The following COTL1 variants were observed in gnomAD, a reference collection of about 807,000 sequenced individuals.
COTL1 encodes coactosin-like protein.
A neutral mutation model predicts 16.5 loss-of-function variants in COTL1; 15 were observed. The ratio of observed to expected loss-of-function variants is 0.91; its 90% CI spans 0.61 to 1.40. The LOEUF is 1.40. COTL1 is among the 40% of genes most tolerant of loss of function. COTL1 has a pLI of 0.00. For synonymous variants in COTL1, 112 were observed against 85.3 expected, an observed-to-expected ratio of 1.31 and a Z score of -1.73; for missense variants, 220 against 201.5, an observed-to-expected ratio of 1.09 and a Z score of -0.56.
intron 3 of COTL1, among the ~76,000 whole-genome samples, chr16:84,584,212 G>A (rs761107586): frequency 7.9e-5 from 12 of 152,244 alleles, no homozygotes; most frequent in Non-Finnish European, 1.5e-4. Context: ...CGCATTCCCC[G>A]GACTGGAGTC....
At chr16:84,586,704 C>G (rs1904740678) in intron 3 of COTL1, among the ~76,000 whole-genome samples, 1 of 152,158 alleles carries the variant, frequency 6.6e-6, no homozygotes, top group Non-Finnish European at 1.5e-5. Flanking sequence ...CTGCCTCAGC[C>G]TCCCGAGTAG....
At chr16:84,612,508 C>A (rs1905354157) in intron 2 of COTL1, among the ~76,000 whole-genome samples, 1 of 152,132 alleles carries the variant, frequency 6.6e-6, no homozygotes, top group South Asian at 2.1e-4. Context: ...TGAGGCCGGG[C>A]GCGGTGGCTC....
chr16:84,565,884 G>C lies in COTL1; in HGVS notation c.*961C>G, dbSNP rs549891951. ...TTGCTCAGCTCACAGCTAGCGCGGCGGGCAGAGCAACCCTTCGGCCCAAGC... is the reference window on the plus strand; with the variant it reads ...TTGCTCAGCTCACAGCTAGCGCGGCCGGCAGAGCAACCCTTCGGCCCAAGC... On this transcript the variant is annotated 3_prime_UTR_variant, in exon 4 of 4. Transcript: ENST00000262428. 6.6e-6 allele frequency: 1 copy of C among 152,284 alleles called. No individual in the cohort carries two copies. Among genetic ancestry groups the C allele is most frequent in the Non-Finnish European group, 1.5e-5 (1 of 68,068 alleles). 9.4% of individuals were successfully genotyped at this position (152,284 alleles called of 1,614,324 possible).
chr16:84,615,716 G>T (rs532210582), intron 2 of COTL1, among the ~76,000 whole-genome samples: 5 of 152,340 alleles, frequency 3.3e-5, no homozygotes, highest in African/African-American at 4.8e-5. Context: ...GAGGCGGAGG[G>T]ACGGAGGCCT....
At chr16:84,598,770 C>T (rs1251103021) in intron 2 of COTL1, among the ~76,000 whole-genome samples, 1 of 134,562 alleles carries the variant, frequency 7.4e-6, no homozygotes, top group South Asian at 2.4e-4. Flanking sequence ...GGAGACCAAG[C>T]AGGAGACCAA....
chr16:84,595,920 T>C (rs1227057213), intron 2 of COTL1: 1 of 151,830 alleles, frequency 6.6e-6, no homozygotes, highest in Non-Finnish European at 1.5e-5. Context: ...GTGTGTGTTA[T>C]ATATATACAT....
chr16:84,584,277 C>G (rs900819712), intron 3 of COTL1, among the ~76,000 whole-genome samples: 2 of 152,260 alleles, frequency 1.3e-5, no homozygotes, highest in Non-Finnish European at 2.9e-5. Context: ...TGCCCCGTGG[C>G]CTTGCTGGCA....
chr16:84,597,068 G>T (rs1165396174), intron 2 of COTL1, among the ~76,000 whole-genome samples: 1 of 152,232 alleles, frequency 6.6e-6, no homozygotes, highest in African/African-American at 2.4e-5. Context: ...AGATGAGGGT[G>T]CTTCATGCTC....
chr16:84,609,629 GGGTTCCCACCCAAATCTC>G (rs1437468247), intron 2 of COTL1, among the ~76,000 whole-genome samples: 1 of 152,184 alleles, frequency 6.6e-6, no homozygotes, highest in East Asian at 1.9e-4. Flanking sequence ...GTTTGGCTCT[GGGTTCCCACCCAAATCTC>G]ACCTTGAATT....
intron 3 of COTL1, among the ~76,000 whole-genome samples, chr16:84,587,000 T>G (rs1904749168): frequency 6.6e-6 from 1 of 152,108 alleles, no homozygotes; most frequent in Non-Finnish European, 1.5e-5. Flanking sequence ...CTCCCTTTCC[T>G]CCCGGCGACG....
chr16:84,600,312 C>CTT (rs11305996), intron 2 of COTL1, among the ~76,000 whole-genome samples: 3,122 of 125,836 alleles, frequency 0.025, 176 homozygotes, highest in African/African-American at 0.081. Context: ...AATAAAGGCT[C>CTT]TTTTTTTTTT....
intron 2 of COTL1, among the ~76,000 whole-genome samples, chr16:84,607,370 C>T (rs8046500): frequency 3.3e-5 from 5 of 151,972 alleles, no homozygotes; most frequent in Non-Finnish European, 4.4e-5. Flanking sequence ...CTGAGAGCCT[C>T]GGACACAGAT....
At chr16:84,577,248 T>C (rs1036045606) in intron 3 of COTL1, among the ~76,000 whole-genome samples, 1 of 152,176 alleles carries the variant, frequency 6.6e-6, no homozygotes, top group African/African-American at 2.4e-5. Flanking sequence ...GTTTTGGTTT[T>C]GGTTTTGGTT....
chr16:84,605,217 A>G (rs1237347881), intron 2 of COTL1, among the ~76,000 whole-genome samples: 3 of 152,198 alleles, frequency 2.0e-5, no homozygotes, highest in Non-Finnish European at 4.4e-5. Flanking sequence ...CTTGTTTCAC[A>G]AAGATTTTAC....
At chr16:84,583,900 T>G (rs74036326) in intron 3 of COTL1, among the ~76,000 whole-genome samples, 4 of 152,144 alleles carry the variant, frequency 2.6e-5, no homozygotes, top group Non-Finnish European at 5.9e-5. Flanking sequence ...CTGAGCTGCA[T>G]GCCTTCTGGA....
At chr16:84,591,582 T>C (rs1260930645) in intron 2 of COTL1, among the ~76,000 whole-genome samples, 5 of 135,464 alleles carry the variant, frequency 3.7e-5, no homozygotes, top group African/African-American at 1.4e-4. Context: ...GGAGGATCAC[T>C]TCAGCCCAAG....
intron 2 of COTL1, among the ~76,000 whole-genome samples, chr16:84,602,139 C>T (rs562919025): frequency 6.6e-6 from 1 of 152,008 alleles, no homozygotes; most frequent in African/African-American, 2.4e-5. Context: ...AGGGCATCTA[C>T]ATGGCATCTT....
At chr16:84,587,357 G>T (rs1295335141) in intron 3 of COTL1, among the ~76,000 whole-genome samples, 1 of 152,056 alleles carries the variant, frequency 6.6e-6, no homozygotes, top group Non-Finnish European at 1.5e-5. Flanking sequence ...TGATTATCTC[G>T]CCTCTTAACT....
chr16:84,593,602 C>A (rs58120536), intron 2 of COTL1, among the ~76,000 whole-genome samples: 4 of 151,550 alleles, frequency 2.6e-5, no homozygotes, highest in Non-Finnish European at 4.4e-5. Context: ...AGCTCCGCCT[C>A]CCGGGTTCAC....
Sources: allele counts gnomAD v4.1 joint callset (sites outside exome capture counted in the v4.1 genomes callset), GRCh38; gene constraint gnomAD v4.1.1; transcripts MANE v1.5; gene names NCBI Gene and HGNC (gene_info 2026-07-23, HGNC 2026-07-21).